Variants in PDE10A observed in about 807,000 individuals in gnomAD.
PDE10A encodes phosphodiesterase 10A, also known as cAMP and cAMP-inhibited cGMP 3',5'-cyclic phosphodiesterase 10A.
A neutral mutation model predicts 97.7 loss-of-function variants in PDE10A; 39 were observed. The ratio of observed to expected loss-of-function variants is 0.40; its 90% CI spans 0.31 to 0.52. The LOEUF (loss-of-function observed/expected upper bound fraction) is 0.52, where lower values mean the gene tolerates loss of function less well. Among genes scored for constraint, PDE10A ranks in the 20% least tolerant of loss-of-function variants. The probability of loss-of-function intolerance (pLI) is 0.56; values close to 1 mark genes in which losing one functional copy is unlikely to be tolerated. For synonymous variants in PDE10A, 371 were observed against 376.8 expected (o/e 0.98, Z 0.18); for missense variants, 731 against 1,047.8 (o/e 0.70, Z 4.17).
chr6:165,626,397 T>G (rs532885594), intron 1 of PDE10A, among the ~76,000 whole-genome samples: 5 of 152,228 alleles, frequency 3.3e-5, no homozygotes, highest in Non-Finnish European at 7.3e-5. Context: ...ATGTTAACTC[T>G]AAAAGAAAAC....
At position 165,861,390 on chromosome 6, in the gene PDE10A, C is replaced by T. The variant is rs189328716; in HGVS notation, c.-615+126139G>A. Among the ~76,000 whole-genome samples, 12 of 150,672 alleles carry T rather than the reference C, an allele frequency of 8.0e-5. No individual in the cohort carries two copies. In the East Asian group the frequency reaches 1.8e-3, roughly 22 times the overall value. On this transcript the variant is annotated intron_variant, in intron 1 of 19. Transcript: ENST00000366882. ...AAAACAAGGACACAGCTTGTCCTCT[C>T]GGGGGGGCGCTATGGAGGCAACAAA... is the stretch of plus-strand genomic sequence containing the variant.
intron 1 of PDE10A, among the ~76,000 whole-genome samples, chr6:165,603,638 T>C (rs969666351): frequency 5.9e-5 from 9 of 152,210 alleles, no homozygotes; most frequent in Non-Finnish European, 1.2e-4. Flanking sequence ...GGGAGCAGCG[T>C]CCCAGTGAGG....
chr6:165,879,274 G>T (rs1781417217), intron 1 of PDE10A, among the ~76,000 whole-genome samples: 2 of 152,180 alleles, frequency 1.3e-5, no homozygotes, highest in Non-Finnish European at 2.9e-5. Context: ...CTTTGAAATG[G>T]TGAATTTTAT....
intron 2 of PDE10A, among the ~76,000 whole-genome samples, chr6:165,537,975 C>T (rs528348135): frequency 1.3e-5 from 2 of 152,002 alleles, no homozygotes; most frequent in Admixed American, 6.6e-5. Flanking sequence ...AACCTTCCAA[C>T]ACCGAATGTT....
chr6:165,455,005 G>T (rs1016488024), intron 3 of PDE10A, among the ~76,000 whole-genome samples: 1 of 152,142 alleles, frequency 6.6e-6, no homozygotes, highest in Non-Finnish European at 1.5e-5. Context: ...CACCAAAAAT[G>T]TATAGCACAG....
At chr6:165,478,433 C>A (rs1779417948) in intron 3 of PDE10A, among the ~76,000 whole-genome samples, 1 of 152,120 alleles carries the variant, frequency 6.6e-6, no homozygotes, top group Non-Finnish European at 1.5e-5. Flanking sequence ...TGTCTCATTA[C>A]AACCTTCTCC....
At chr6:165,632,282 C>T (rs573199583) in intron 1 of PDE10A, among the ~76,000 whole-genome samples, 64 of 150,896 alleles carry the variant, frequency 4.2e-4, no homozygotes, top group African/African-American at 1.4e-3. Flanking sequence ...AGGAGGAAGC[C>T]ACAGAAGCCG....
At chr6:165,953,365 C>T (rs377133490) in intron 1 of PDE10A, among the ~76,000 whole-genome samples, 30 of 152,180 alleles carry the variant, frequency 2.0e-4, no homozygotes, top group African/African-American at 7.2e-4. Flanking sequence ...CCGAGGCGGG[C>T]GAATCACCTG....
intron 12 of PDE10A, among the ~76,000 whole-genome samples, chr6:165,414,648 C>T (rs1788173299): frequency 1.3e-5 from 2 of 152,222 alleles, no homozygotes; most frequent in Admixed American, 1.3e-4. Context: ...ACAAGTCCTA[C>T]TGTAGCACCA....
chr6:165,933,502 C>A (rs1783212391), intron 1 of PDE10A, among the ~76,000 whole-genome samples: 1 of 152,132 alleles, frequency 6.6e-6, no homozygotes, highest in Non-Finnish European at 1.5e-5. Flanking sequence ...AATATATGCC[C>A]ACTTCTAAGG....
intron 3 of PDE10A, among the ~76,000 whole-genome samples, chr6:165,472,724 T>C (rs998882566): frequency 1.3e-5 from 2 of 152,100 alleles, no homozygotes; most frequent in Admixed American, 1.3e-4. Flanking sequence ...TCTGAATGTA[T>C]AACACATAGA....
chr6:165,701,281 A>G (rs904764510), intron 1 of PDE10A, among the ~76,000 whole-genome samples: 3 of 152,190 alleles, frequency 2.0e-5, no homozygotes, highest in Admixed American at 6.5e-5. Flanking sequence ...TTGGGTGGCT[A>G]TGTGCATTAC....
At chr6:165,355,762 A>T (rs1782982395) in intron 18 of PDE10A, among the ~76,000 whole-genome samples, 1 of 152,210 alleles carries the variant, frequency 6.6e-6, no homozygotes, top group Admixed American at 6.5e-5. Context: ...GTTCAGCTTT[A>T]TTAAAACAAA....
At chr6:165,976,878 C>T (rs911684110) in intron 1 of PDE10A, among the ~76,000 whole-genome samples, 1 of 152,172 alleles carries the variant, frequency 6.6e-6, no homozygotes, top group African/African-American at 2.4e-5. Context: ...CTGTCCCCAC[C>T]TTCCCCACAC....
intron 18 of PDE10A, among the ~76,000 whole-genome samples, chr6:165,356,372 A>C (rs2128189604): frequency 6.6e-6 from 1 of 152,250 alleles, no homozygotes. Context: ...ATTGGCTTTA[A>C]ATTCTGTAAA....
chr6:165,856,298 T>C (rs1284594990), intron 1 of PDE10A, among the ~76,000 whole-genome samples: 1 of 152,188 alleles, frequency 6.6e-6, no homozygotes, highest in African/African-American at 2.4e-5. Flanking sequence ...AGATAATGCC[T>C]TCATCACAGG....
At chr6:165,718,870 AG>A (rs1370909866) in intron 1 of PDE10A, among the ~76,000 whole-genome samples, 1 of 152,228 alleles carries the variant, frequency 6.6e-6, no homozygotes, top group Admixed American at 6.5e-5. Flanking sequence ...AATAATAAAC[AG>A]TAAAAGGAAA....
intron 2 of PDE10A, 67 bp from the exon 3 acceptor site, chr6:165,482,410 T>C: frequency 8.5e-7 from 1 of 1,174,358 alleles, no homozygotes; most frequent in Non-Finnish European, 1.3e-6. Flanking sequence ...ATACAAAACA[T>C]GTCATTTGCT....
At chr6:165,777,133 G>A (rs1023050406) in intron 1 of PDE10A, among the ~76,000 whole-genome samples, 4 of 152,314 alleles carry the variant, frequency 2.6e-5, no homozygotes, top group Admixed American at 1.3e-4. Flanking sequence ...CATCCCGGAC[G>A]AATCTCAGCT....
Sources: allele counts gnomAD v4.1 joint callset (sites outside exome capture counted in the v4.1 genomes callset), GRCh38; gene constraint gnomAD v4.1.1; transcripts MANE v1.5; gene names NCBI Gene and HGNC (gene_info 2026-07-23, HGNC 2026-07-21).